MTPN: variants seen among roughly 807,000 people sequenced by gnomAD.
MTPN encodes the protein granule cell differentiation protein.
MTPN carries 2 observed loss-of-function variants against 13.5 expected under a neutral mutation model. That is an observed-to-expected ratio of 0.15 (90% CI 0.06 to 0.47). The LOEUF (loss-of-function observed/expected upper bound fraction) is 0.47. Among genes scored for constraint, MTPN ranks in the 20% least tolerant of loss-of-function variants. The pLI is 0.97. For synonymous variants in MTPN, 46 were observed against 51.7 expected, an observed-to-expected ratio of 0.89 and a Z score of 0.48; for missense variants, 79 against 137.9, an observed-to-expected ratio of 0.57 and a Z score of 2.14.
chr7:135,968,206 AAT>A (rs549576049), intron 1 of MTPN, among the ~76,000 whole-genome samples: 1 of 152,144 alleles, frequency 6.6e-6, no homozygotes, highest in African/African-American at 2.4e-5. Flanking sequence ...ATCTTCCTAA[AAT>A]ATGTTATACA....
At chr7:135,962,474 T>C (rs1043638531) in intron 1 of MTPN, among the ~76,000 whole-genome samples, 1 of 152,028 alleles carries the variant, frequency 6.6e-6, no homozygotes, top group Admixed American at 6.6e-5. Flanking sequence ...ATGGCAAGAA[T>C]ATTACTTATG....
chr7:135,956,999 G>A (rs746438138), intron 1 of MTPN, among the ~76,000 whole-genome samples: 14 of 152,030 alleles, frequency 9.2e-5, no homozygotes, highest in Non-Finnish European at 1.8e-4. Context: ...CGAGGTCAAG[G>A]GTCTCCATGT....
chr7:135,930,033 C>T (rs1798993632), intron 3 of MTPN, 21 bp from the exon 4 acceptor site: 3 of 1,464,596 alleles, frequency 2.0e-6, no homozygotes, highest in Non-Finnish European at 9.4e-7. Flanking sequence ...GAGGAAAGGG[C>T]TCATTAAATG....
intron 3 of MTPN, among the ~76,000 whole-genome samples, 185 bp downstream of exon 3, chr7:135,950,414 C>A (rs1799348914): frequency 6.6e-6 from 1 of 152,150 alleles, no homozygotes; most frequent in Admixed American, 6.5e-5. Flanking sequence ...ACCCAAGCTC[C>A]TTACCTACCA....
At chr7:135,961,196 A>C (rs1281993203) in intron 1 of MTPN, among the ~76,000 whole-genome samples, 1 of 152,104 alleles carries the variant, frequency 6.6e-6, no homozygotes, top group Non-Finnish European at 1.5e-5. Flanking sequence ...TAGGAGTATA[A>C]AGTTCTAACT....
intron 3 of MTPN, among the ~76,000 whole-genome samples, chr7:135,941,767 ATCATT>A (rs1251970819): frequency 1.3e-5 from 2 of 152,176 alleles, no homozygotes; most frequent in East Asian, 3.9e-4. Context: ...GAATAGAAAG[ATCATT>A]TCAAGGTTTC....
At chr7:135,976,261 C>T (rs1257950458) in intron 1 of MTPN, among the ~76,000 whole-genome samples, 1 of 152,174 alleles carries the variant, frequency 6.6e-6, no homozygotes, top group East Asian at 1.9e-4. Flanking sequence ...TGATTTTACC[C>T]CCCAAATACA....
In MTPN at chr7:135,928,273, AAAG is replaced by A. The variant is rs1487783584; in HGVS notation, c.*1650_*1652del. On this transcript the variant is annotated 3_prime_UTR_variant, in exon 4 of 4. Transcript: ENST00000393085. ...AAGTGAAAAAGCCACAGGATTAAAA[AAAG>A]GACTCATGGGGAAAAATACACACAC... 1 of 167,198 alleles carries A rather than the reference AAAG, an allele frequency of 6.0e-6. No individual in the cohort carries two copies. The highest frequency in any genetic ancestry group is 1.5e-5 in the Non-Finnish European group (1 of 68,336). 10.4% of individuals were successfully genotyped at this position (167,198 alleles called of 1,614,324 possible). A position where few individuals can be genotyped will look rare whatever the true frequency, so the allele number is the denominator to read the frequency against.
Position 135,960,561 on chromosome 7 carries a change from G to T in MTPN, c.73-8931C>A, listed in dbSNP as rs186029047. ...AGGTAACAAAGAAAACCAATATGGA[G>T]GTAGGGTATAAAAATCATATAGCAA... On this transcript the variant is annotated intron_variant, in intron 1 of 3. Coordinates refer to ENST00000393085, the MANE Select transcript of MTPN (RefSeq NM_145808.4). 6.7e-4 allele frequency: 102 copies of T among 151,806 alleles called. 2 individuals carry two copies. Among genetic ancestry groups the T allele is most frequent in the Admixed American group, 6.6e-3 (101 of 15,248 alleles). 9.4% of individuals were successfully genotyped at this position (151,806 alleles called of 1,614,324 possible). A position where few individuals can be genotyped will look rare whatever the true frequency, so the allele number is the denominator to read the frequency against.
At chr7:135,950,475 A>G (rs1799349753) in intron 3 of MTPN, 124 bp downstream of exon 3, 1 of 793,110 alleles carries the variant, frequency 1.3e-6, no homozygotes, top group Non-Finnish European at 2.1e-6. Context: ...ACTACACTTC[A>G]ATTTTGTATA....
At chr7:135,949,208 A>T (rs181792550) in intron 3 of MTPN, among the ~76,000 whole-genome samples, 1 of 152,214 alleles carries the variant, frequency 6.6e-6, no homozygotes, top group Admixed American at 6.5e-5. Context: ...CTAATACAAT[A>T]TTGAAATTAT....
chr7:135,971,416 C>A (rs1393770685), intron 1 of MTPN, among the ~76,000 whole-genome samples: 4 of 151,646 alleles, frequency 2.6e-5, no homozygotes, highest in Admixed American at 2.0e-4. Context: ...TAATTACCAT[C>A]CTGCTATGAT....
At chr7:135,953,447 C>T (rs932382093) in intron 1 of MTPN, among the ~76,000 whole-genome samples, 7 of 152,150 alleles carry the variant, frequency 4.6e-5, no homozygotes, top group African/African-American at 1.4e-4. Flanking sequence ...GGGCAAGTTA[C>T]TTACTTTCTA....
chr7:135,976,561 C>A (rs1210158648), intron 1 of MTPN, among the ~76,000 whole-genome samples: 3 of 152,162 alleles, frequency 2.0e-5, no homozygotes. Flanking sequence ...TCAATGAATT[C>A]TTCAACTTCA....
chr7:135,934,705 A>G (rs1799085920), intron 3 of MTPN, among the ~76,000 whole-genome samples: 1 of 152,204 alleles, frequency 6.6e-6, no homozygotes, highest in Non-Finnish European at 1.5e-5. Flanking sequence ...TCTAGTCAAC[A>G]TATATAGTAT....
chr7:135,927,260 AT>A lies in MTPN; in HGVS notation c.*2665del, dbSNP rs1247730187. 6.5e-7 allele frequency: 1 copy of A among 1,531,546 alleles called. No individual in the cohort carries two copies. Among genetic ancestry groups the A allele is most frequent in the Non-Finnish European group, 8.8e-7 (1 of 1,136,686 alleles). 94.9% of individuals were successfully genotyped at this position (1,531,546 alleles called of 1,614,324 possible). A position where few individuals can be genotyped will look rare whatever the true frequency, so the allele number is the denominator to read the frequency against. On this transcript the variant is annotated 3_prime_UTR_variant, in exon 4 of 4. Transcript: ENST00000393085. ...TGCACCTACCTACTACCTCTCTTCCATGCTTAACTGGGTTTAGAAAGGTGAG... is the reference window on the plus strand; with the variant it reads ...TGCACCTACCTACTACCTCTCTTCCAGCTTAACTGGGTTTAGAAAGGTGAG...
At chr7:135,946,424 A>G (rs1453852379) in intron 3 of MTPN, among the ~76,000 whole-genome samples, 1 of 152,242 alleles carries the variant, frequency 6.6e-6, no homozygotes, top group East Asian at 1.9e-4. Context: ...TTAGGGTTTT[A>G]AAACGATGTG....
intron 1 of MTPN, among the ~76,000 whole-genome samples, chr7:135,964,804 A>G (rs768991162): frequency 2.0e-5 from 3 of 152,058 alleles, no homozygotes; most frequent in Non-Finnish European, 4.4e-5. Flanking sequence ...CTGACCCCCA[A>G]AATAAGTTTT....
intron 1 of MTPN, among the ~76,000 whole-genome samples, chr7:135,968,481 A>G (rs1266297116): frequency 6.6e-6 from 1 of 152,136 alleles, no homozygotes; most frequent in East Asian, 1.9e-4. Flanking sequence ...ATTATTTAGT[A>G]AAGATATAGC....
Sources: gnomAD v4.1 joint callset for allele counts (sites outside exome capture counted in the v4.1 genomes callset) on GRCh38, gnomAD v4.1.1 for gene constraint, MANE v1.5 for transcripts, NCBI Gene and HGNC (gene_info 2026-07-23, HGNC 2026-07-21) for gene names.